Variants in ZMYM5 observed in about 807,000 individuals in gnomAD.
The protein encoded by ZMYM5 is zinc finger MYM-type containing 5.
ZMYM5 carries 41 observed loss-of-function variants against 61.8 expected under a neutral mutation model. The ratio of observed to expected loss-of-function variants is 0.66; its 90% confidence interval spans 0.52 to 0.86. ZMYM5 has a LOEUF of 0.86. Ranked by LOEUF, ZMYM5 falls within the 40% of genes least tolerant of loss-of-function variation. ZMYM5 has a pLI of 0.00. For missense variants in ZMYM5, 706 were observed against 786.7 expected, an observed-to-expected ratio of 0.90 and a Z score of 1.23; for synonymous variants, 257 against 276.4, an observed-to-expected ratio of 0.93 and a Z score of 0.70.
intron 7 of ZMYM5, among the ~76,000 whole-genome samples, chr13:19,825,856 T>C (rs953460794): frequency 6.6e-6 from 1 of 151,494 alleles, no homozygotes; most frequent in African/African-American, 2.4e-5. Context: ...GCGTGGCAAA[T>C]ATGGCGAAAC....
chr13:19,834,058 C>A (rs1247983318), intron 7 of ZMYM5, among the ~76,000 whole-genome samples: 3 of 152,224 alleles, frequency 2.0e-5, no homozygotes, highest in African/African-American at 4.8e-5. Context: ...CTCACTGCAA[C>A]CTCCACCTCC....
chr13:19,830,351 C>T (rs1252419683), intron 7 of ZMYM5, among the ~76,000 whole-genome samples: 8 of 152,120 alleles, frequency 5.3e-5, no homozygotes, highest in Admixed American at 5.2e-4. Flanking sequence ...ACAGAAATAT[C>T]ATGCCTATAT....
chr13:19,850,793 T>C (rs1364095176), intron 4 of ZMYM5, among the ~76,000 whole-genome samples: 1 of 152,116 alleles, frequency 6.6e-6, no homozygotes, highest in African/African-American at 2.4e-5. Flanking sequence ...GTAAAGAAGG[T>C]AAAGTATTTC....
chr13:19,848,010 G>A (rs557693436), intron 4 of ZMYM5, among the ~76,000 whole-genome samples: 13 of 151,070 alleles, frequency 8.6e-5, no homozygotes, highest in African/African-American at 2.9e-4. Context: ...AATTTCTGTC[G>A]CCCAGGCTGG....
At chr13:19,861,861 A>C (rs1431510370) in intron 2 of ZMYM5, among the ~76,000 whole-genome samples, 2 of 150,634 alleles carry the variant, frequency 1.3e-5, no homozygotes, top group African/African-American at 2.4e-5. Context: ...AAAAAAAAAA[A>C]CCCGAAAAAA....
intron 4 of ZMYM5, among the ~76,000 whole-genome samples, chr13:19,842,450 A>G (rs535656288): frequency 6.6e-6 from 1 of 152,304 alleles, no homozygotes; most frequent in African/African-American, 2.4e-5. Flanking sequence ...ACATAATAAT[A>G]TAATCAATGT....
At chr13:19,862,514 A>T (rs977137348) in intron 1 of ZMYM5, 48 bp from the exon 2 acceptor site, 4 of 152,260 alleles carry the variant, frequency 2.6e-5, no homozygotes, top group Non-Finnish European at 5.9e-5. Context: ...ATCTGGATGC[A>T]CAACCAACTC....
intron 7 of ZMYM5, among the ~76,000 whole-genome samples, chr13:19,828,299 C>A (rs772052085): frequency 7.9e-5 from 12 of 152,106 alleles, no homozygotes; most frequent in Non-Finnish European, 1.8e-4. Flanking sequence ...CATGGTGAAA[C>A]CCTGTTTCTA....
At chr13:19,842,686 G>A (rs1260081755) in intron 4 of ZMYM5, among the ~76,000 whole-genome samples, 3 of 149,126 alleles carry the variant, frequency 2.0e-5, no homozygotes, top group Non-Finnish European at 3.0e-5. Context: ...TTGGCTGGGC[G>A]CAGTGGCTCA....
At chr13:19,832,302 A>C (rs999154241) in intron 7 of ZMYM5, among the ~76,000 whole-genome samples, 3 of 151,966 alleles carry the variant, frequency 2.0e-5, no homozygotes, top group Admixed American at 2.0e-4. Flanking sequence ...ACTTAGCAAG[A>C]ACTCAGACAC....
chr13:19,832,869 T>A lies in ZMYM5; in HGVS notation c.1251+2608A>T, dbSNP rs142981783. Among the ~76,000 whole-genome samples, 29 of 145,470 alleles carry A rather than the reference T, an allele frequency of 2.0e-4. No homozygotes were observed. In the East Asian group the frequency reaches 3.8e-3, roughly 19 times the overall value. On this transcript the variant is annotated intron_variant, in intron 7 of 7. Transcript: ENST00000337963. ...CCTCAGTCTCCTGAGGAGCTAGAAC[T>A]ACGAGTGTACAACCACCATATCTGG... is the stretch of plus-strand genomic sequence containing the variant.
chr13:19,846,092 T>A (rs1204641343), intron 4 of ZMYM5, among the ~76,000 whole-genome samples: 1 of 152,172 alleles, frequency 6.6e-6, no homozygotes, highest in Non-Finnish European at 1.5e-5. Context: ...TACTTGGAAA[T>A]TTTAAGGATT....
chr13:19,860,007 G>A lies in ZMYM5; in HGVS notation c.-11+2392C>T, dbSNP rs1221428210. ...TAGTCTCAGCTACTCAGGAGGCTGA[G>A]GCACAAGAATCGCTTGAGCCCAGGA... On this transcript the variant is annotated intron_variant, in intron 2 of 7. Coordinates refer to ENST00000337963, the MANE Select transcript of ZMYM5 (RefSeq NM_001142684.2). Among the ~76,000 whole-genome samples the A allele has an allele frequency of 1.8e-4, 26 of 146,222 alleles. 1 individual carries two copies. Among genetic ancestry groups the A allele is most frequent in the Admixed American group, 1.4e-3 (20 of 14,610 alleles).
At chr13:19,853,764 T>C (rs1432656955) in intron 2 of ZMYM5, among the ~76,000 whole-genome samples, 4 of 151,998 alleles carry the variant, frequency 2.6e-5, no homozygotes, top group Non-Finnish European at 5.9e-5. Context: ...GTATTTTTGC[T>C]AGCGACAGGG....
At chr13:19,860,897 A>G (rs1260990258) in intron 2 of ZMYM5, among the ~76,000 whole-genome samples, 2 of 147,048 alleles carry the variant, frequency 1.4e-5, no homozygotes, top group Admixed American at 1.4e-4. Flanking sequence ...GGGGGGGGGA[A>G]TTGTATCTCC....
chr13:19,826,927 C>G (rs1221309076), intron 7 of ZMYM5, among the ~76,000 whole-genome samples: 1 of 152,068 alleles, frequency 6.6e-6, no homozygotes, highest in African/African-American at 2.4e-5. Flanking sequence ...AAATGAAGTT[C>G]TGATGTATGC....
chr13:19,834,846 G>A (rs1368346567), intron 7 of ZMYM5, among the ~76,000 whole-genome samples: 2 of 151,918 alleles, frequency 1.3e-5, no homozygotes, highest in East Asian at 1.9e-4. Context: ...ACACCAACTC[G>A]CCTGGCTAAT....
intron 7 of ZMYM5, among the ~76,000 whole-genome samples, chr13:19,833,369 T>C (rs192608923): frequency 5.3e-5 from 8 of 152,290 alleles, no homozygotes; most frequent in Admixed American, 2.0e-4. Context: ...CAAAAAATTA[T>C]TTCAGCATAA....
At chr13:19,830,585 G>A (rs184818616) in intron 7 of ZMYM5, among the ~76,000 whole-genome samples, 9 of 152,158 alleles carry the variant, frequency 5.9e-5, no homozygotes, top group African/African-American at 1.9e-4. Context: ...CCAGGCTGGA[G>A]TGCAGTGGCA....
Sources: gnomAD v4.1 joint callset for allele counts (sites outside exome capture counted in the v4.1 genomes callset) on GRCh38, gnomAD v4.1.1 for gene constraint, MANE v1.5 for transcripts, NCBI Gene and HGNC (gene_info 2026-07-23, HGNC 2026-07-21) for gene names.